The following EYA1 variants were observed in gnomAD, a reference collection of about 807,000 sequenced individuals.
The protein encoded by EYA1 is EYA transcriptional coactivator and phosphatase 1.
EYA1 carries 16 observed loss-of-function variants against 82.0 expected under a neutral mutation model. The observed-to-expected ratio is 0.20, with a 90% CI of 0.13 to 0.30. The LOEUF (loss-of-function observed/expected upper bound fraction) is 0.30. EYA1 is among the 10% of genes least tolerant of loss of function. The pLI is 1.00. For missense variants in EYA1, 633 were observed against 730.7 expected (o/e 0.87, Z 1.54); for synonymous variants, 261 against 264.4 (o/e 0.99, Z 0.12).
chr8:71,291,403 T>C (rs1240364172), intron 9 of EYA1, among the ~76,000 whole-genome samples: 2 of 152,198 alleles, frequency 1.3e-5, no homozygotes, highest in African/African-American at 4.8e-5. Flanking sequence ...CCTCTGTCAC[T>C]TGAAATTCAA....
At chr8:71,270,110 C>A (rs1816338391) in intron 10 of EYA1, 1 of 320,688 alleles carries the variant, frequency 3.1e-6, no homozygotes, top group East Asian at 6.9e-5. Context: ...GGTCTCAGCT[C>A]TGAATAAATG....
intron 9 of EYA1, among the ~76,000 whole-genome samples, chr8:71,295,039 A>G (rs1053184097): frequency 2.6e-5 from 4 of 152,202 alleles, no homozygotes; most frequent in Non-Finnish European, 4.4e-5. Flanking sequence ...TCCATATGCA[A>G]AAAAATGAAT....
In EYA1 at chr8:71,361,829, G is replaced by A. The variant is rs953657716; in HGVS notation, c.-237C>T. ...CTCTGCAGGGGAAAGCTCGGCGCAG[G>A]GGGCAGGCGCCTGGCCGCTGCCGCA... On this transcript the variant is annotated 5_prime_UTR_variant, in exon 1 of 18. Transcript: ENST00000340726. The A allele has an allele frequency of 3.0e-6, 3 of 985,338 alleles. No individual in the cohort carries two copies. The highest frequency in any genetic ancestry group is 1.7e-5 in the African/African-American group (1 of 57,236). The allele number at this position is 985,338 out of a possible 1,614,324, so 61.0% of individuals were successfully genotyped here.
chr8:71,449,419 T>C (rs1337825618), intron 2 of EYA1, among the ~76,000 whole-genome samples: 1 of 152,234 alleles, frequency 6.6e-6, no homozygotes, highest in Admixed American at 6.5e-5. Context: ...CCACCAGAGC[T>C]CTTGAGTGAC....
intron 11 of EYA1, among the ~76,000 whole-genome samples, chr8:71,245,569 G>A (rs1812988722): frequency 6.6e-6 from 1 of 151,464 alleles, no homozygotes; most frequent in South Asian, 2.1e-4. Flanking sequence ...GCTAACATTA[G>A]TGTTAGTGTA....
intron 12 of EYA1, among the ~76,000 whole-genome samples, chr8:71,220,757 G>A (rs1809799139): frequency 6.6e-6 from 1 of 152,198 alleles, no homozygotes; most frequent in South Asian, 2.1e-4. Context: ...ATGCCAAGTG[G>A]GTGTGAGGGA....
At chr8:71,323,621 C>T (rs1056641129) in intron 4 of EYA1, among the ~76,000 whole-genome samples, 3 of 152,204 alleles carry the variant, frequency 2.0e-5, no homozygotes, top group Admixed American at 2.0e-4. Context: ...TGGCTGGCCG[C>T]TTGGCAGAGA....
chr8:71,215,323 C>T (rs1809045090), intron 16 of EYA1, 64 bp downstream of exon 16: 11 of 1,536,768 alleles, frequency 7.2e-6, no homozygotes, highest in Non-Finnish European at 9.9e-6. Flanking sequence ...CATTTATTGC[C>T]TTTCGTTTTT....
chr8:71,446,102 T>A (rs1178915581), intron 2 of EYA1, among the ~76,000 whole-genome samples: 2 of 152,194 alleles, frequency 1.3e-5, no homozygotes, highest in Non-Finnish European at 2.9e-5. Flanking sequence ...AACATTTAAA[T>A]ACATATTTTG....
At chr8:71,383,354 A>T (rs1345918042) in intron 2 of EYA1, among the ~76,000 whole-genome samples, 1 of 152,120 alleles carries the variant, frequency 6.6e-6, no homozygotes, top group Non-Finnish European at 1.5e-5. Context: ...AAACTCCTAC[A>T]CATGAGTGCA....
intron 12 of EYA1, among the ~76,000 whole-genome samples, chr8:71,226,635 A>G (rs1810591044): frequency 6.7e-6 from 1 of 148,972 alleles, no homozygotes; most frequent in African/African-American, 2.5e-5. Flanking sequence ...GTAATGGATT[A>G]ATCCATTAAC....
At chr8:71,281,147 C>T (rs770281146) in intron 9 of EYA1, among the ~76,000 whole-genome samples, 1 of 152,188 alleles carries the variant, frequency 6.6e-6, no homozygotes, top group Non-Finnish European at 1.5e-5. Flanking sequence ...AACAGGTCAT[C>T]TTACCTTTGC....
At chr8:71,401,338 C>G in intron 2 of EYA1, among the ~76,000 whole-genome samples, 1 of 152,146 alleles carries the variant, frequency 6.6e-6, no homozygotes, top group East Asian at 1.9e-4. Flanking sequence ...ATTTTATTAC[C>G]TTTCAACAAG....
chr8:71,531,548 A>T (rs1484678081), intron 2 of EYA1, among the ~76,000 whole-genome samples: 1 of 152,128 alleles, frequency 6.6e-6, no homozygotes, highest in Non-Finnish European at 1.5e-5. Context: ...TAAAAAAGTG[A>T]GTATGTGCTT....
chr8:71,434,721 T>C (rs1054944417), intron 2 of EYA1, among the ~76,000 whole-genome samples: 5 of 152,128 alleles, frequency 3.3e-5, no homozygotes, highest in African/African-American at 1.2e-4. Context: ...AAATTGATAG[T>C]TAGGGATAGA....
chr8:71,294,417 G>A (rs1164335274), intron 9 of EYA1, among the ~76,000 whole-genome samples: 4 of 151,990 alleles, frequency 2.6e-5, no homozygotes, highest in Admixed American at 6.6e-5. Context: ...CCGAGATAGC[G>A]CCACGCCCTC....
At chr8:71,201,776 T>C (rs1807057860) in intron 17 of EYA1, among the ~76,000 whole-genome samples, 2 of 152,226 alleles carry the variant, frequency 1.3e-5, no homozygotes, top group Non-Finnish European at 2.9e-5. Context: ...AAAACTATTT[T>C]AAAAGTTTTC....
At chr8:71,253,955 T>C (rs1221727075) in intron 11 of EYA1, among the ~76,000 whole-genome samples, 33 of 152,200 alleles carry the variant, frequency 2.2e-4, no homozygotes, top group Admixed American at 6.5e-5. Flanking sequence ...TCAGCAAAAA[T>C]AGCTCTGAGC....
chr8:71,429,162 T>C (rs1805454612), intron 2 of EYA1, among the ~76,000 whole-genome samples: 1 of 152,228 alleles, frequency 6.6e-6, no homozygotes, highest in African/African-American at 2.4e-5. Context: ...TTTCCAAACA[T>C]GACCTTTGTT....
Sources: allele counts gnomAD v4.1 joint callset (sites outside exome capture counted in the v4.1 genomes callset), GRCh38; gene constraint gnomAD v4.1.1; transcripts MANE v1.5; gene names NCBI Gene and HGNC (gene_info 2026-07-23, HGNC 2026-07-21).